CLDN12: variants seen among roughly 807,000 people sequenced by gnomAD.
CLDN12 encodes the protein claudin-12.
Under a neutral mutation model 15.5 loss-of-function variants are expected in CLDN12, and 9 were observed. The observed-to-expected ratio is 0.58, with a 90% CI of 0.35 to 1.02. The LOEUF is 1.02. Ranked by LOEUF, CLDN12 falls within the 50% of genes least tolerant of loss-of-function variation. CLDN12 has a pLI of 0.02. For synonymous variants in CLDN12, 140 were observed against 121.6 expected (o/e 1.15, Z -1.00); for missense variants, 233 against 297.3 (o/e 0.78, Z 1.59).
intron 2 of CLDN12, 45 bp from the exon 3 acceptor site, chr7:90,411,962 G>A (rs1796972674): frequency 6.6e-6 from 1 of 152,180 alleles, no homozygotes; most frequent in South Asian, 2.1e-4. Flanking sequence ...TGAACCCATA[G>A]AACAACCCTG....
chr7:90,406,736 G>A (rs1430037445), intron 2 of CLDN12, among the ~76,000 whole-genome samples: 1 of 152,038 alleles, frequency 6.6e-6, no homozygotes, highest in Non-Finnish European at 1.5e-5. Context: ...TTGGTCTCCT[G>A]GACAACAATA....
At chr7:90,410,990 T>A (rs565591493) in intron 2 of CLDN12, among the ~76,000 whole-genome samples, 36 of 151,690 alleles carry the variant, frequency 2.4e-4, no homozygotes, top group African/African-American at 8.5e-4. Flanking sequence ...GAGTAAGACT[T>A]GTTTCAAAAA....
rs1256518254 is a variant in CLDN12, at chr7:90,413,635, C to G, written c.*224C>G. The G allele has an allele frequency of 7.7e-7, 1 of 1,307,076 alleles. No homozygotes were observed. Among genetic ancestry groups the G allele is most frequent in the Non-Finnish European group, 9.8e-7 (1 of 1,024,426 alleles). 81.0% of individuals were successfully genotyped at this position (1,307,076 alleles called of 1,614,324 possible). A position where few individuals can be genotyped will look rare whatever the true frequency, so the allele number is the denominator to read the frequency against. ...CTTCTTATACTGGAAGGAATTTTAGCCTTCATATTGATATCTAATTAATTA... is the reference window on the plus strand; with the variant it reads ...CTTCTTATACTGGAAGGAATTTTAGGCTTCATATTGATATCTAATTAATTA... On this transcript the variant is annotated 3_prime_UTR_variant, in exon 4 of 4. Coordinates refer to ENST00000496677, the MANE Select transcript of CLDN12 (RefSeq NM_001185072.3).
chr7:90,414,193 A>G lies in CLDN12; in HGVS notation c.*782A>G. 1 of 1,000,186 alleles carries G rather than the reference A, an allele frequency of 1.0e-6. No homozygotes were observed. The highest frequency in any genetic ancestry group is 1.2e-6 in the Non-Finnish European group (1 of 829,952). The allele number at this position is 1,000,186 out of a possible 1,614,324, so 62.0% of individuals were successfully genotyped here. A position where few individuals can be genotyped will look rare whatever the true frequency, so the allele number is the denominator to read the frequency against. On this transcript the variant is annotated 3_prime_UTR_variant, in exon 4 of 4. Coordinates refer to ENST00000496677, the MANE Select transcript of CLDN12 (RefSeq NM_001185072.3). The stretch of plus-strand genomic sequence containing the variant: ...TCAAGCAGTACTCGTGCCCATATAC[A>G]ATCTCTTAGTGGCTAGGAGAAATAA...
intron 2 of CLDN12, among the ~76,000 whole-genome samples, chr7:90,407,195 G>A (rs535106016): frequency 5.3e-5 from 8 of 152,216 alleles, no homozygotes; most frequent in South Asian, 2.1e-4. Flanking sequence ...ACCACGCCGC[G>A]CCAGGAATAA....
chr7:90,405,193 G>T (rs1796811106), intron 1 of CLDN12, among the ~76,000 whole-genome samples: 1 of 152,122 alleles, frequency 6.6e-6, no homozygotes, highest in African/African-American at 2.4e-5. Context: ...CTCCCACATG[G>T]CTGGGACTAT....
chr7:90,406,143 C>T (rs895093542), intron 2 of CLDN12: 6 of 152,122 alleles, frequency 3.9e-5, no homozygotes, highest in Admixed American at 1.3e-4. Flanking sequence ...TATGTACTCT[C>T]GTAACTCTTG....
rs1261341512 is a variant in CLDN12, at chr7:90,404,038, G to T, written c.-167+489G>T. On this transcript the variant is annotated intron_variant, in intron 1 of 3. Coordinates refer to ENST00000496677, the MANE Select transcript of CLDN12 (RefSeq NM_001185072.3). ...GGAGGAGGAGAGGAGGCGGAGGGGG[G>T]AGGAGGGGGGCGGAGGGGGATGCGG... Among the ~76,000 whole-genome samples, 4 of 140,674 alleles carry T rather than the reference G, an allele frequency of 2.8e-5. No homozygotes were observed. In the South Asian group the frequency reaches 7.8e-4, roughly 28 times the overall value. The allele number at this position is 140,674 out of a possible 152,430, so 92.3% of individuals were successfully genotyped here.
At position 90,412,904 on chromosome 7, in the gene CLDN12, A is replaced by G. The variant is rs1488499672; in HGVS notation, c.228A>G (p.Ser76=). 1 of 1,614,224 alleles carries G rather than the reference A, an allele frequency of 6.2e-7. No homozygotes were observed. Among genetic ancestry groups the G allele is most frequent in the Admixed American group, 1.7e-5 (1 of 60,020 alleles). ...TGATGTACGACACTACTTGGTACTCATCAGTTGACCAGCTGGACCTGCGTG... is the reference window on the plus strand; with the variant it reads ...TGATGTACGACACTACTTGGTACTCGTCAGTTGACCAGCTGGACCTGCGTG... ...DCLMYDTTWY[S]SVDQLDLRVL... The change falls in exon 4 of 4, where the codon TCA becomes TCG. Residue 76 remains serine, a synonymous_variant. Transcript: ENST00000496677.
rs1296197061 is a variant in CLDN12, at chr7:90,411,525, T to C, written c.-76-482T>C. On this transcript the variant is annotated intron_variant, in intron 2 of 3. Transcript: ENST00000496677. The stretch of plus-strand genomic sequence containing the variant: ...TTATAATAGCATTAATAGAAATAGG[T>C]TGTCGTTACTTGAAAAATGTTTGCA... Among the ~76,000 whole-genome samples, 5 of 152,190 alleles carry C rather than the reference T, an allele frequency of 3.3e-5. No homozygotes were observed. In the East Asian group the frequency reaches 9.6e-4, roughly 29 times the overall value.
At chr7:90,410,114 T>C (rs985703895) in intron 2 of CLDN12, among the ~76,000 whole-genome samples, 1 of 151,954 alleles carries the variant, frequency 6.6e-6, no homozygotes, top group Non-Finnish European at 1.5e-5. Context: ...GATAGACAGA[T>C]GAATAAGCAA....
chr7:90,413,545 A>T lies in CLDN12; in HGVS notation c.*134A>T, dbSNP rs1414265200. On this transcript the variant is annotated 3_prime_UTR_variant, in exon 4 of 4. Coordinates refer to ENST00000496677, the MANE Select transcript of CLDN12 (RefSeq NM_001185072.3). The stretch of plus-strand genomic sequence containing the variant: ...TGAAGCCAAATTTATATGTCCTAGT[A>T]GAATGAAGTGCTGCTAGTTTTTATG... The T allele has an allele frequency of 4.2e-5, 61 of 1,457,930 alleles. No homozygotes were observed. The highest frequency in any genetic ancestry group is 5.4e-5 in the Non-Finnish European group (60 of 1,105,974). The allele number at this position is 1,457,930 out of a possible 1,614,324, so 90.3% of individuals were successfully genotyped here.
Position 90,405,616 on chromosome 7 carries a change from C to T in CLDN12, c.-77+8C>T, listed in dbSNP as rs1369719405. On this transcript the variant is annotated splice_region_variant and intron_variant, in intron 2 of 3. Coordinates refer to ENST00000496677, the MANE Select transcript of CLDN12 (RefSeq NM_001185072.3). ...TGTCAGGTACCTCAAAGCGTAAGTACGTCCTTTAATTATATCTTATTTCCC... is the reference window on the plus strand; with the variant it reads ...TGTCAGGTACCTCAAAGCGTAAGTATGTCCTTTAATTATATCTTATTTCCC... 6.6e-6 allele frequency: 1 copy of T among 152,088 alleles called. No individual in the cohort carries two copies. 9.4% of individuals were successfully genotyped at this position (152,088 alleles called of 1,614,324 possible).
intron 2 of CLDN12, chr7:90,409,282 G>A (rs940259803): frequency 3.3e-5 from 5 of 152,384 alleles, no homozygotes; most frequent in African/African-American, 4.8e-5. Flanking sequence ...GAGTGCAGTG[G>A]TGTGATCTGG....
At chr7:90,405,734 A>C (rs895027578) in intron 2 of CLDN12, 126 bp downstream of exon 2, 4 of 152,082 alleles carry the variant, frequency 2.6e-5, no homozygotes, top group Admixed American at 1.3e-4. Context: ...TTGTGAGTAC[A>C]ATGACTGATG....
Position 90,413,852 on chromosome 7 carries a change from A to G in CLDN12, c.*441A>G, listed in dbSNP as rs973988290. On this transcript the variant is annotated 3_prime_UTR_variant, in exon 4 of 4. Coordinates refer to ENST00000496677, the MANE Select transcript of CLDN12 (RefSeq NM_001185072.3). The stretch of plus-strand genomic sequence containing the variant: ...GAAATTTATTTCAGGTAAGGGTAAT[A>G]TTTTAATAGTAGTCAATAATCTAGC... 1 of 1,000,614 alleles carries G rather than the reference A, an allele frequency of 1.0e-6. No homozygotes were observed. The highest frequency in any genetic ancestry group is 1.7e-5 in the African/African-American group (1 of 57,214). The allele number at this position is 1,000,614 out of a possible 1,614,324, so 62.0% of individuals were successfully genotyped here.
chr7:90,404,729 A>G (rs913798270), intron 1 of CLDN12, among the ~76,000 whole-genome samples: 5 of 152,064 alleles, frequency 3.3e-5, no homozygotes, highest in Non-Finnish European at 7.4e-5. Context: ...TTAAATATCA[A>G]TCATATATTC....
chr7:90,408,124 C>T (rs1191790820), intron 2 of CLDN12, among the ~76,000 whole-genome samples: 2 of 152,198 alleles, frequency 1.3e-5, no homozygotes, highest in South Asian at 2.1e-4. Flanking sequence ...TCTTTTTACC[C>T]TTGCAAGTAT....
At chr7:90,410,812 C>T (rs1159060344) in intron 2 of CLDN12, among the ~76,000 whole-genome samples, 1 of 152,034 alleles carries the variant, frequency 6.6e-6, no homozygotes, top group Non-Finnish European at 1.5e-5. Flanking sequence ...GCCTAGGCAA[C>T]ATGAGAAAAC....
Sources: gnomAD v4.1 joint callset for allele counts (sites outside exome capture counted in the v4.1 genomes callset) on GRCh38, gnomAD v4.1.1 for gene constraint, MANE v1.5 for transcripts, NCBI Gene and HGNC (gene_info 2026-07-23, HGNC 2026-07-21) for gene names.